Variants in PRR16 observed in about 807,000 individuals in gnomAD.
The protein encoded by PRR16 is proline rich 16, also known as protein Largen.
Under a neutral mutation model 18.2 loss-of-function variants are expected in PRR16, and 6 were observed. That is an observed-to-expected ratio of 0.33 (90% confidence interval 0.18 to 0.65). The LOEUF (loss-of-function observed/expected upper bound fraction) is 0.65. Among genes scored for constraint, PRR16 ranks in the 30% least tolerant of loss-of-function variants. The probability of loss-of-function intolerance (pLI) is 0.74; values close to 1 mark genes in which losing one functional copy is unlikely to be tolerated. For synonymous variants in PRR16, 151 were observed against 147.8 expected (o/e 1.02, Z -0.16); for missense variants, 412 against 376.6 (o/e 1.09, Z -0.78).
intron 1 of PRR16, among the ~76,000 whole-genome samples, chr5:120,665,019 G>C (rs1366275866): frequency 6.6e-6 from 1 of 150,954 alleles, no homozygotes; most frequent in Admixed American, 6.6e-5. Flanking sequence ...CTAGATCCCT[G>C]AGGAATCGCC....
At chr5:120,694,867 A>T in the PRR16 span, among the ~76,000 whole-genome samples, 11,496 of 152,268 alleles carry the variant, frequency 0.075, 499 homozygotes, top group South Asian at 0.11. Flanking sequence ...TTCTAAAAAT[A>T]TTCATACAAG....
At chr5:120,787,951 A>G in the PRR16 span, among the ~76,000 whole-genome samples, 1 of 151,910 alleles carries the variant, frequency 6.6e-6, no homozygotes, top group Non-Finnish European at 1.5e-5. Flanking sequence ...GCTATGCAAT[A>G]TTAAAGGTCT....
chr5:120,619,923 G>A (rs1051566900), intron 1 of PRR16, among the ~76,000 whole-genome samples: 4 of 152,034 alleles, frequency 2.6e-5, no homozygotes, highest in African/African-American at 7.2e-5. Context: ...CAATGTTTAC[G>A]TAAAAATAAT....
the PRR16 span, among the ~76,000 whole-genome samples, chr5:120,791,004 C>A: frequency 3.3e-5 from 5 of 151,956 alleles, no homozygotes; most frequent in African/African-American, 9.6e-5. Context: ...CATTAAAAAC[C>A]AAGAAGTCAA....
intron 1 of PRR16, among the ~76,000 whole-genome samples, chr5:120,513,683 A>G (rs1389560248): frequency 6.6e-6 from 1 of 151,780 alleles, no homozygotes; most frequent in Admixed American, 6.6e-5. Context: ...TTAGACTTAC[A>G]TACATTTATA....
At chr5:120,466,601 A>G (rs894620694) in intron 1 of PRR16, among the ~76,000 whole-genome samples, 1 of 152,032 alleles carries the variant, frequency 6.6e-6, no homozygotes, top group Non-Finnish European at 1.5e-5. Context: ...GAAATCTTCA[A>G]CCTCCCTGTG....
At position 120,464,425 on chromosome 5, in the gene PRR16, G is replaced by T. The variant is rs1037854034; in HGVS notation, c.-62G>T. 2.7e-6 allele frequency: 4 copies of T among 1,488,364 alleles called. No homozygotes were observed. The highest frequency in any genetic ancestry group is 2.8e-5 in the African/African-American group (2 of 71,736). The allele number at this position is 1,488,364 out of a possible 1,614,324, so 92.2% of individuals were successfully genotyped here. A position where few individuals can be genotyped will look rare whatever the true frequency, so the allele number is the denominator to read the frequency against. On this transcript the variant is annotated 5_prime_UTR_variant, in exon 1 of 2. Coordinates refer to ENST00000407149, the MANE Select transcript of PRR16 (RefSeq NM_001300783.2). ...CAGCGGCCGTAGCAGCGCCAGGGAC[G>T]GGGGCACGCAGCAGCCTCCGCTCGC... is the stretch of plus-strand genomic sequence containing the variant.
rs1282783209 is a variant in PRR16, at chr5:120,686,010, T to C, written c.216T>C (p.Thr72=). The part of the protein sequence containing the change: ...TSDLQLEDEM[T]DSSKTDTLNS... ...ACCTACAGCTGGAGGATGAGATGAC[T>C]GACAGCTCCAAAACGGACACGCTGA... Residue 72 remains threonine, a synonymous_variant, in exon 2 of 2, where the codon ACT becomes ACC. Transcript: ENST00000407149. 1.2e-6 allele frequency: 2 copies of C among 1,613,986 alleles called. No individual in the cohort carries two copies. Among genetic ancestry groups the C allele is most frequent in the Non-Finnish European group, 1.7e-6 (2 of 1,179,986 alleles).
chr5:120,679,673 A>G (rs1756911310), intron 1 of PRR16, among the ~76,000 whole-genome samples: 1 of 152,138 alleles, frequency 6.6e-6, no homozygotes, highest in Non-Finnish European at 1.5e-5. Flanking sequence ...ACCTTAAGAG[A>G]AAGGGGAAGA....
At chr5:120,771,518 T>C in the PRR16 span, among the ~76,000 whole-genome samples, 3 of 152,136 alleles carry the variant, frequency 2.0e-5, no homozygotes, top group Non-Finnish European at 4.4e-5. Flanking sequence ...AATCGAGAGA[T>C]GTCTCTATGG....
rs116726474 is a variant in PRR16 at position 120,686,279 on chromosome 5, G to T, written c.485G>T (p.Gly162Val). ...TLLRNGGLPG[G>V]PNKIPNGDIC... ...CTACGAAATGGAGGCTTACCAGGTG[G>T]ACCTAACAAAATTCCAAATGGAGAT... The change falls in exon 2 of 2, where the codon GGA (glycine) becomes GTA (valine). Residue 162 changes from glycine (G) to valine (V), a missense_variant. Physicochemically the swap from Gly to Val is moderately radical, Grantham distance 109. Coordinates refer to ENST00000407149, the MANE Select transcript of PRR16 (RefSeq NM_001300783.2). 1.0e-4 allele frequency: 164 copies of T among 1,614,066 alleles called. No individual in the cohort carries two copies. The African/African-American group carries it at 2.0e-3, about 19-fold the overall frequency.
the PRR16 span, among the ~76,000 whole-genome samples, chr5:120,750,484 T>A: frequency 5.9e-5 from 9 of 151,402 alleles, no homozygotes; most frequent in Non-Finnish European, 1.3e-4. Flanking sequence ...CATGGTGAAA[T>A]CCTGTCTCTA....
the PRR16 span, among the ~76,000 whole-genome samples, chr5:120,749,223 TATC>T: frequency 0.017 from 2,617 of 152,158 alleles, 31 homozygotes; most frequent in Non-Finnish European, 0.023. Context: ...ATATATTTTA[TATC>T]ATCATCATAA....
intron 1 of PRR16, among the ~76,000 whole-genome samples, chr5:120,636,289 CATGGAACCACA>C (rs1181987163): frequency 6.6e-6 from 1 of 151,890 alleles, no homozygotes; most frequent in Non-Finnish European, 1.5e-5. Flanking sequence ...CTAAAATTCA[CATGGAACCACA>C]AAAGAGCCCA....
chr5:120,615,160 C>T (rs752924156), intron 1 of PRR16, among the ~76,000 whole-genome samples: 2 of 152,024 alleles, frequency 1.3e-5, no homozygotes, highest in East Asian at 1.9e-4. Flanking sequence ...GAAGCTAGTA[C>T]ATTTTTTAGC....
chr5:120,636,221 C>T lies in PRR16; in HGVS notation c.160-49733C>T, dbSNP rs571832709. Among the ~76,000 whole-genome samples the T allele has an allele frequency of 3.0e-4, 45 of 152,004 alleles. No homozygotes were observed. The South Asian group carries it at 7.9e-3, about 27-fold the overall frequency. The stretch of plus-strand genomic sequence containing the variant: ...TACTGCCAAAAGCAATCTACAAATT[C>T]AATACAATTCCCATCAAAATATGAC... On this transcript the variant is annotated intron_variant, in intron 1 of 1. Transcript: ENST00000407149.
downstream of PRR16, among the ~76,000 whole-genome samples, chr5:120,688,084 T>G (rs560765941): frequency 1.3e-5 from 2 of 152,360 alleles, no homozygotes; most frequent in African/African-American, 4.8e-5. Context: ...AATAGTTGGC[T>G]TTTGATCTCA....
intron 1 of PRR16, among the ~76,000 whole-genome samples, chr5:120,644,334 G>T (rs1011855206): frequency 2.3e-4 from 35 of 151,968 alleles, no homozygotes; most frequent in African/African-American, 8.0e-4. Flanking sequence ...CGATAGCAGG[G>T]CTGCCAAGAA....
intron 1 of PRR16, among the ~76,000 whole-genome samples, chr5:120,653,912 ACTC>A (rs1755876988): frequency 6.6e-6 from 1 of 151,902 alleles, no homozygotes; most frequent in Admixed American, 6.6e-5. Flanking sequence ...AAAAATCTAA[ACTC>A]CTAAACAAGA....
Sources: allele counts gnomAD v4.1 joint callset (sites outside exome capture counted in the v4.1 genomes callset), GRCh38; gene constraint gnomAD v4.1.1; transcripts MANE v1.5; gene names NCBI Gene and HGNC (gene_info 2026-07-23, HGNC 2026-07-21).